Variants in FGD5 observed in about 807,000 individuals in gnomAD.
The protein encoded by FGD5 is FYVE, RhoGEF and PH domain-containing protein 5.
FGD5 carries 28 observed loss-of-function variants against 133.4 expected under a neutral mutation model. The ratio of observed to expected loss-of-function variants is 0.21; its 90% CI spans 0.16 to 0.29. The LOEUF is 0.29. Ranked by LOEUF, FGD5 falls within the 10% of genes least tolerant of loss-of-function variation. FGD5 has a pLI of 1.00. For synonymous variants in FGD5, 810 were observed against 776.5 expected, an observed-to-expected ratio of 1.04 and a Z score of -0.72; for missense variants, 1,858 against 1,895.2, an observed-to-expected ratio of 0.98 and a Z score of 0.36.
At chr3:14,873,094 T>C (rs574815867) in intron 2 of FGD5, among the ~76,000 whole-genome samples, 1 of 152,364 alleles carries the variant, frequency 6.6e-6, no homozygotes, top group East Asian at 1.9e-4. Flanking sequence ...TTATGATCTC[T>C]ATTTTAACAT....
intron 13 of FGD5, among the ~76,000 whole-genome samples, chr3:14,920,105 G>C (rs2038645422): frequency 6.6e-6 from 1 of 152,024 alleles, no homozygotes; most frequent in Non-Finnish European, 1.5e-5. Context: ...TCAGGGCAAG[G>C]TAAGCTCAAG....
At chr3:14,893,535 A>G (rs2038071128) in intron 4 of FGD5, among the ~76,000 whole-genome samples, 1 of 151,974 alleles carries the variant, frequency 6.6e-6, no homozygotes, top group African/African-American at 2.4e-5. Context: ...TTTTGTAAAG[A>G]CGGAGTCTCA....
chr3:14,909,461 T>C (rs2038404270), intron 10 of FGD5, among the ~76,000 whole-genome samples: 1 of 152,232 alleles, frequency 6.6e-6, no homozygotes, highest in African/African-American at 2.4e-5. Context: ...GGGAAATGTA[T>C]CAGTGTATGT....
At chr3:14,879,429 T>C (rs2037783602) in intron 2 of FGD5, among the ~76,000 whole-genome samples, 1 of 152,254 alleles carries the variant, frequency 6.6e-6, no homozygotes, top group South Asian at 2.1e-4. Flanking sequence ...CCCAGGCATC[T>C]GTCTCAGCCC....
Position 14,878,113 on chromosome 3 carries a change from C to T in FGD5, c.2659-2459C>T, listed in dbSNP as rs186525484. Among the ~76,000 whole-genome samples the T allele has an allele frequency of 1.8e-3, 278 of 152,246 alleles. 7 individuals are homozygous for T. The highest frequency in any genetic ancestry group is 0.018 in the Admixed American group (271 of 15,300). ...AACCAGAAAATACAAATGAAAAGAT[C>T]TGGGGAAGAGCATTGCAAGAAGAGG... On this transcript the variant is annotated intron_variant, in intron 2 of 19. Coordinates refer to ENST00000285046, the MANE Select transcript of FGD5 (RefSeq NM_152536.4).
Position 14,875,026 on chromosome 3 carries a change from A to C in FGD5, c.2659-5546A>C, listed in dbSNP as rs569119633. ...AAGAGTGAGCCACCTCTCCCTGAGT[A>C]CCTGTCTCTGAGTTTTCCAGCAGCT... On this transcript the variant is annotated intron_variant, in intron 2 of 19. Transcript: ENST00000285046. Among the ~76,000 whole-genome samples, 25 of 152,212 alleles carry C rather than the reference A, an allele frequency of 1.6e-4. No homozygotes were observed. In the South Asian group the frequency reaches 5.2e-3, roughly 32 times the overall value.
intron 1 of FGD5, among the ~76,000 whole-genome samples, chr3:14,841,966 G>A (rs1339859528): frequency 6.6e-6 from 1 of 152,212 alleles, no homozygotes. Context: ...GTCTCTGCTC[G>A]GCACAACGCT....
chr3:14,838,064 A>G (rs561875244), intron 1 of FGD5, among the ~76,000 whole-genome samples: 3 of 152,278 alleles, frequency 2.0e-5, no homozygotes, highest in African/African-American at 7.2e-5. Flanking sequence ...CTGGGCCCTC[A>G]TCTAGAGACT....
rs762704227 is a variant in FGD5 at position 14,820,619 on chromosome 3, A to T, written c.1548A>T (p.Ala516=). The T allele has an allele frequency of 3.7e-6, 6 of 1,605,614 alleles. No homozygotes were observed. The highest frequency in any genetic ancestry group is 4.3e-6 in the Non-Finnish European group (5 of 1,176,246). ...CAGCCCCTGGCATTGGAGGTGCCGCAGAGGAGGTGGGAAAGACGCTTTTGT... is the reference window on the plus strand; with the variant it reads ...CAGCCCCTGGCATTGGAGGTGCCGCTGAGGAGGTGGGAAAGACGCTTTTGT... ...GSSAPGIGGA[A]EEVGKTLLSL... is the part of the protein sequence containing the mutation. The change falls in exon 1 of 20, where the codon GCA becomes GCT. Residue 516 remains alanine, a synonymous_variant. Coordinates refer to ENST00000285046, the MANE Select transcript of FGD5 (RefSeq NM_152536.4).
intron 2 of FGD5, among the ~76,000 whole-genome samples, chr3:14,866,444 C>G: frequency 6.6e-6 from 1 of 151,934 alleles, no homozygotes; most frequent in African/African-American, 2.4e-5. Flanking sequence ...TCTGGTCTCC[C>G]GGCCACTGCT....
chr3:14,906,527 G>T (rs1307811239), intron 9 of FGD5, among the ~76,000 whole-genome samples: 1 of 152,248 alleles, frequency 6.6e-6, no homozygotes, highest in African/African-American at 2.4e-5. Flanking sequence ...GCCTGAGGAA[G>T]TGGGCAGGGC....
chr3:14,846,297 C>A (rs2037050370), intron 1 of FGD5, among the ~76,000 whole-genome samples: 1 of 152,048 alleles, frequency 6.6e-6, no homozygotes, highest in African/African-American at 2.4e-5. Flanking sequence ...AGGGTGCCAT[C>A]CTCAGGGGCT....
At chr3:14,916,641 C>A (rs371862199) in intron 11 of FGD5, among the ~76,000 whole-genome samples, 13 of 152,338 alleles carry the variant, frequency 8.5e-5, no homozygotes, top group South Asian at 4.1e-4. Flanking sequence ...GTAACCACCA[C>A]CTGGGTCGAG....
At chr3:14,871,938 G>A (rs546485741) in intron 2 of FGD5, among the ~76,000 whole-genome samples, 28 of 152,318 alleles carry the variant, frequency 1.8e-4, no homozygotes, top group Non-Finnish European at 2.9e-4. Flanking sequence ...ATATGTGGAC[G>A]AACAGCACCC....
At chr3:14,868,436 T>C (rs562846065) in intron 2 of FGD5, among the ~76,000 whole-genome samples, 115 of 152,360 alleles carry the variant, frequency 7.5e-4, no homozygotes, top group African/African-American at 2.6e-3. Flanking sequence ...CCGGTGTCCC[T>C]GGTCCTTGCA....
chr3:14,844,215 AAAATATATATATATAT>A lies in FGD5; in HGVS notation c.2526-19911_2526-19896del, dbSNP rs1381571932. Among the ~76,000 whole-genome samples, 117 of 27,500 alleles carry A rather than the reference AAAATATATATATATAT, an allele frequency of 4.3e-3. 8 individuals are homozygous for A. Among genetic ancestry groups the A allele is most frequent in the African/African-American group, 0.017 (105 of 6,340 alleles). The allele number at this position is 27,500 out of a possible 152,430, so 18.0% of individuals were successfully genotyped here. ...ATCTTAATAGGCATTAAAAAAAAAA[AAAATATATATATATAT>A]ATATATATATATATATATATATATA... On this transcript the variant is annotated intron_variant, in intron 1 of 19. Transcript: ENST00000285046.
chr3:14,819,029 C>G lies in FGD5; in HGVS notation c.-43C>G. On this transcript the variant is annotated 5_prime_UTR_variant, in exon 1 of 20. Transcript: ENST00000285046. The surrounding 1 kb of genome is among the most constrained non-coding windows in gnomAD (Gnocchi z 4.1). Reference sequence around the variant, plus strand: ...TGACGCCAGTGACCGCGCCCAAATTCCCTTCCTCAGCCAGGCCCGAGAGTC... The same window carrying G: ...TGACGCCAGTGACCGCGCCCAAATTGCCTTCCTCAGCCAGGCCCGAGAGTC... 6.7e-7 allele frequency: 1 copy of G among 1,498,382 alleles called. No individual in the cohort carries two copies. The highest frequency in any genetic ancestry group is 1.3e-5 in the South Asian group (1 of 76,590). 92.8% of individuals were successfully genotyped at this position (1,498,382 alleles called of 1,614,324 possible). A position where few individuals can be genotyped will look rare whatever the true frequency, so the allele number is the denominator to read the frequency against.
intron 1 of FGD5, among the ~76,000 whole-genome samples, chr3:14,831,861 T>G (rs1001198113): frequency 6.6e-6 from 1 of 152,174 alleles, no homozygotes; most frequent in Non-Finnish European, 1.5e-5. Context: ...GACAACAGGC[T>G]TAGCTTCTTG....
rs114481072 is a variant in FGD5 at position 14,879,795 on chromosome 3, C to T, written c.2659-777C>T. Reference sequence around the variant, plus strand: ...AGAGGCTTCTTGGAGGAGGTGCTGCCGTGGCTAAGTCTTATAGGATGACTG... The same window carrying T: ...AGAGGCTTCTTGGAGGAGGTGCTGCTGTGGCTAAGTCTTATAGGATGACTG... On this transcript the variant is annotated intron_variant, in intron 2 of 19. Transcript: ENST00000285046. Among the ~76,000 whole-genome samples the T allele has an allele frequency of 6.5e-3, 993 of 152,184 alleles. 16 individuals are homozygous for T. Among genetic ancestry groups the T allele is most frequent in the South Asian group, 0.038 (184 of 4,814 alleles).
Sources: gnomAD v4.1 joint callset for allele counts (sites outside exome capture counted in the v4.1 genomes callset) on GRCh38, gnomAD v4.1.1 for gene constraint, Gnocchi (gnomAD v3.1) non-coding constraint, MANE v1.5 for transcripts, NCBI Gene and HGNC (gene_info 2026-07-23, HGNC 2026-07-21) for gene names.